KLHDC4: variants seen among roughly 807,000 people sequenced by gnomAD.
KLHDC4 encodes the protein kelch domain-containing protein 4.
In KLHDC4, 90 loss-of-function variants were observed where a neutral mutation model predicts 62.4. The observed-to-expected ratio is 1.44, with a 90% CI of 1.22 to 1.72. The LOEUF is 1.72. Ranked by LOEUF, KLHDC4 falls within the 40% of genes most tolerant of loss-of-function variation. The probability of loss-of-function intolerance (pLI) is 0.00; values close to 1 mark genes in which losing one functional copy is unlikely to be tolerated. For synonymous variants in KLHDC4, 386 were observed against 284.4 expected, an observed-to-expected ratio of 1.36 and a Z score of -3.59; for missense variants, 1,025 against 699.7, an observed-to-expected ratio of 1.47 and a Z score of -5.25.
At chr16:87,762,103 C>T (rs1029975870) in intron 1 of KLHDC4, 63 bp from the exon 2 acceptor site, 116 of 1,596,684 alleles carry the variant, frequency 7.3e-5, no homozygotes, top group Middle Eastern at 2.0e-4. Flanking sequence ...AGCCACAGCC[C>T]GCTCAGCTTT....
At chr16:87,740,226 G>A (rs759971933) in intron 5 of KLHDC4, among the ~76,000 whole-genome samples, 58 of 152,296 alleles carry the variant, frequency 3.8e-4, no homozygotes, top group South Asian at 1.5e-3. Flanking sequence ...AAGCTCAGCC[G>A]GCAGGGCAGG....
chr16:87,721,172 G>C (rs955549164), intron 7 of KLHDC4, among the ~76,000 whole-genome samples: 2 of 152,182 alleles, frequency 1.3e-5, no homozygotes, highest in Non-Finnish European at 2.9e-5. Context: ...TGTAATCCCA[G>C]CACTTTGGGA....
intron 5 of KLHDC4, among the ~76,000 whole-genome samples, chr16:87,733,837 T>C (rs1371246547): frequency 6.6e-6 from 1 of 152,156 alleles, no homozygotes; most frequent in East Asian, 1.9e-4. Context: ...CTCCGTGGCT[T>C]TCACACCCAC....
chr16:87,737,160 T>C (rs1170131809), intron 5 of KLHDC4, among the ~76,000 whole-genome samples: 3 of 128,868 alleles, frequency 2.3e-5, no homozygotes, highest in African/African-American at 8.6e-5. Flanking sequence ...CAAGTCAGGA[T>C]ACCCAGGAAA....
intron 5 of KLHDC4, among the ~76,000 whole-genome samples, chr16:87,742,022 A>C (rs1015637791): frequency 6.6e-6 from 1 of 152,206 alleles, no homozygotes; most frequent in Non-Finnish European, 1.5e-5. Flanking sequence ...TGACACAGCA[A>C]TCTTCCCCAG....
At chr16:87,760,103 A>G (rs1461027392) in intron 2 of KLHDC4, among the ~76,000 whole-genome samples, 2 of 152,160 alleles carry the variant, frequency 1.3e-5, no homozygotes, top group African/African-American at 4.8e-5. Context: ...TCTTAATCTC[A>G]GGATAACTGC....
rs28439512 is a variant in KLHDC4 at position 87,734,293 on chromosome 16, G to A, written c.507-3649C>T. 7.5e-3 allele frequency among the ~76,000 whole-genome samples: 1,139 copies of A among 152,062 alleles called. 9 individuals are homozygous for A. The highest frequency in any genetic ancestry group is 0.026 in the African/African-American group (1,081 of 41,466). ...CAGGAGGTGGGAGCTGCAGTGAGCC[G>A]ACACTGCGCCACTGCACTCCAGTCT... On this transcript the variant is annotated intron_variant, in intron 5 of 11. Coordinates refer to ENST00000270583, the MANE Select transcript of KLHDC4 (RefSeq NM_017566.4).
intron 2 of KLHDC4, among the ~76,000 whole-genome samples, chr16:87,759,073 G>A (rs1263365096): frequency 7.2e-5 from 11 of 152,178 alleles, no homozygotes; most frequent in Admixed American, 7.2e-4. Context: ...TACTTGGGAG[G>A]CTGAGGAAGA....
intron 7 of KLHDC4, among the ~76,000 whole-genome samples, chr16:87,717,902 A>G (rs957977697): frequency 6.6e-6 from 1 of 152,140 alleles, no homozygotes; most frequent in African/African-American, 2.4e-5. Context: ...TTAACAGCCT[A>G]TGGGGGAATG....
chr16:87,703,337 CA>C (rs2034264752), downstream of KLHDC4: 1 of 151,780 alleles, frequency 6.6e-6, no homozygotes, highest in East Asian at 1.9e-4. Flanking sequence ...ATGTCTCCCC[CA>C]GCCCTGAGTC....
chr16:87,739,762 G>C (rs187900291), intron 5 of KLHDC4: 50 of 152,416 alleles, frequency 3.3e-4, no homozygotes, highest in African/African-American at 1.1e-3. Flanking sequence ...CAGAGGCCAC[G>C]TGTTTTGATT....
rs202238962 is a variant in KLHDC4, at chr16:87,756,389, T to A, written c.270+10A>T. On this transcript the variant is annotated intron_variant, in intron 3 of 11. Coordinates refer to ENST00000270583, the MANE Select transcript of KLHDC4 (RefSeq NM_017566.4). Reference sequence around the variant, plus strand: ...AACATGGGAAGAAAAGAAAAAAATATATACTTTACTTTTTGGCCGTTGAAA... The same window carrying A: ...AACATGGGAAGAAAAGAAAAAAATAAATACTTTACTTTTTGGCCGTTGAAA... The A allele has an allele frequency of 2.5e-6, 4 of 1,594,384 alleles. No homozygotes were observed. Among genetic ancestry groups the A allele is most frequent in the Non-Finnish European group, 3.4e-6 (4 of 1,162,332 alleles).
chr16:87,732,666 G>A (rs1271771140), intron 5 of KLHDC4, among the ~76,000 whole-genome samples: 1 of 152,244 alleles, frequency 6.6e-6, no homozygotes, highest in Non-Finnish European at 1.5e-5. Context: ...TGACAAAGAT[G>A]TTTAAGAATT....
exon 1 of KLHDC4, chr16:87,698,888 G>A (rs971253906): frequency 1.3e-5 from 2 of 152,292 alleles, no homozygotes; most frequent in Admixed American, 6.5e-5. Context: ...AGAATTTGAC[G>A]AGTTTTCATT....
intron 8 of KLHDC4, 119 bp from the exon 9 acceptor site, chr16:87,711,562 C>T: frequency 1.2e-6 from 1 of 804,822 alleles, no homozygotes; most frequent in Non-Finnish European, 1.9e-6. Flanking sequence ...AACCGTGAGA[C>T]TGTGGGCAAA....
intron 5 of KLHDC4, among the ~76,000 whole-genome samples, chr16:87,733,595 C>G (rs555209360): frequency 6.6e-6 from 1 of 151,222 alleles, no homozygotes; most frequent in African/African-American, 2.4e-5. Context: ...TGCCTCGCCT[C>G]CTACTTAGGA....
chr16:87,727,525 T>G (rs879568445), intron 6 of KLHDC4, among the ~76,000 whole-genome samples: 4 of 152,098 alleles, frequency 2.6e-5, no homozygotes, highest in Admixed American at 6.5e-5. Flanking sequence ...CGACCCTCTG[T>G]GCCCGAAATC....
downstream of KLHDC4, among the ~76,000 whole-genome samples, chr16:87,704,602 C>T (rs1007183572): frequency 1.3e-5 from 2 of 150,748 alleles, no homozygotes; most frequent in Non-Finnish European, 3.0e-5. Flanking sequence ...GAGAAGGAGG[C>T]GCCTGGGGAG....
At chr16:87,725,940 G>A (rs1418864513) in intron 7 of KLHDC4, among the ~76,000 whole-genome samples, 1 of 152,106 alleles carries the variant, frequency 6.6e-6, no homozygotes, top group Non-Finnish European at 1.5e-5. Context: ...CGTCCATGGT[G>A]CAGGAAGGAG....
Sources: allele counts gnomAD v4.1 joint callset (sites outside exome capture counted in the v4.1 genomes callset), GRCh38; gene constraint gnomAD v4.1.1; transcripts MANE v1.5; gene names NCBI Gene and HGNC (gene_info 2026-07-23, HGNC 2026-07-21).